ETNK2: variants seen among roughly 807,000 people sequenced by gnomAD.
The protein encoded by ETNK2 is ethanolamine kinase-like protein.
In ETNK2, 33 loss-of-function variants were observed where a neutral mutation model predicts 46.2. The ratio of observed to expected loss-of-function variants is 0.71; its 90% CI spans 0.54 to 0.96. ETNK2 has a LOEUF of 0.96. Among genes scored for constraint, ETNK2 ranks in the 40% least tolerant of loss-of-function variants. The pLI is 0.00. For missense variants in ETNK2, 445 were observed against 509.7 expected (o/e 0.87, Z 1.22); for synonymous variants, 194 against 209.0 (o/e 0.93, Z 0.62).
At position 204,151,218 on chromosome 1, in the gene ETNK2, C is replaced by CG. The variant is rs940228534; in HGVS notation, c.258+376dup. The CG allele has an allele frequency of 3.6e-5, 10 of 276,748 alleles. No homozygotes were observed. The highest frequency in any genetic ancestry group is 1.1e-4 in the East Asian group (1 of 9,518). The allele number at this position is 276,748 out of a possible 1,614,324, so 17.1% of individuals were successfully genotyped here. ...TGCATGTATGGCTGGGTCGGGGGGGCGGGGGGTCTCTTAAAAGTTCCCGCC... is the reference window on the plus strand; with the variant it reads ...TGCATGTATGGCTGGGTCGGGGGGGCGGGGGGGTCTCTTAAAAGTTCCCGCC... On this transcript the variant is annotated intron_variant, in intron 1 of 7. Transcript: ENST00000367202. The surrounding 1 kb of genome is among the most constrained non-coding windows in gnomAD (Gnocchi z 8.0).
At position 204,131,360 on chromosome 1, in the gene ETNK2, C is replaced by T. The variant is rs1321452953; in HGVS notation, c.*824G>A. 1 of 152,298 alleles carries T rather than the reference C, an allele frequency of 6.6e-6. No individual in the cohort carries two copies. The allele number at this position is 152,298 out of a possible 1,614,324, so 9.4% of individuals were successfully genotyped here. A position where few individuals can be genotyped will look rare whatever the true frequency, so the allele number is the denominator to read the frequency against. Reference sequence around the variant, plus strand: ...ACATAAAGTAGAGCTGGAGAGACATCCCTGGAAGGAGGGCCTGAGGGCCAG... The same window carrying T: ...ACATAAAGTAGAGCTGGAGAGACATTCCTGGAAGGAGGGCCTGAGGGCCAG... On this transcript the variant is annotated 3_prime_UTR_variant, in exon 8 of 8. Transcript: ENST00000367202. This position sits in a 1 kb window ranked among gnomAD's most constrained non-coding sequence, Gnocchi z 4.3.
intron 7 of ETNK2, 66 bp downstream of exon 7, chr1:204,134,449 C>T (rs571283880): frequency 1.8e-5 from 28 of 1,562,768 alleles, no homozygotes; most frequent in Non-Finnish European, 2.3e-5. Context: ...CTGTCCTTTG[C>T]CCACACCCTG....
chr1:204,147,059 C>T (rs924615108), intron 2 of ETNK2: 1 of 537,974 alleles, frequency 1.9e-6, no homozygotes, highest in East Asian at 4.5e-5. Flanking sequence ...AGGTCAGTGG[C>T]CTTGTCCTAC....
chr1:204,134,549 T>A lies in ETNK2; in HGVS notation c.1054A>T (p.Asn352Tyr). Residue 352 changes from asparagine to tyrosine, a missense_variant, in exon 7 of 8, where the codon AAC becomes TAC. By Grantham distance (143) the Asn-to-Tyr change is moderately radical. Transcript: ENST00000367202. ...FFWALWALIQ[N>Y]QYSTIDFDFL... ...TCAAAGTCGATGGTGGAGTACTGGT[T>A]CTGGATGAGGGCCCAGAGAGCCCAG... The A allele has an allele frequency of 6.2e-7, 1 of 1,613,938 alleles. No homozygotes were observed. The highest frequency in any genetic ancestry group is 8.5e-7 in the Non-Finnish European group (1 of 1,179,870).
At chr1:204,136,993 G>A in intron 6 of ETNK2, 111 bp downstream of exon 6, 1 of 1,423,354 alleles carries the variant, frequency 7.0e-7, no homozygotes, top group Non-Finnish European at 9.6e-7. Context: ...AGGGATGGGT[G>A]TCCCCAGGCT....
At position 204,131,471 on chromosome 1, in the gene ETNK2, A is replaced by AGCAGAGCCAGGCTCTGGAGGC. The variant is rs1224096803; in HGVS notation, c.*692_*712dup. 5 of 152,762 alleles carry AGCAGAGCCAGGCTCTGGAGGC rather than the reference A, an allele frequency of 3.3e-5. No individual in the cohort carries two copies. Among genetic ancestry groups the AGCAGAGCCAGGCTCTGGAGGC allele is most frequent in the African/African-American group, 1.2e-4 (5 of 41,592 alleles). 9.5% of individuals were successfully genotyped at this position (152,762 alleles called of 1,614,324 possible). On this transcript the variant is annotated 3_prime_UTR_variant, in exon 8 of 8. Transcript: ENST00000367202. The surrounding 1 kb of genome is among the most constrained non-coding windows in gnomAD (Gnocchi z 4.3). ...CCCCTCCGGCTAAGCCACAGCACAA[A>AGCAGAGCCAGGCTCTGGAGGC]GCAGAGCCAGGCTCTGGAGGCCCAG...
At chr1:204,135,322 C>T (rs1657240639) in intron 6 of ETNK2, among the ~76,000 whole-genome samples, 1 of 152,162 alleles carries the variant, frequency 6.6e-6, no homozygotes, top group Non-Finnish European at 1.5e-5. Context: ...ACCTGTCACA[C>T]ACTGCTTATT....
intron 2 of ETNK2, among the ~76,000 whole-genome samples, chr1:204,148,461 T>A (rs1410574436): frequency 6.6e-6 from 1 of 151,926 alleles, no homozygotes; most frequent in African/African-American, 2.4e-5. Flanking sequence ...ACAGGGTCCC[T>A]TTGCACCCTG....
At position 204,137,106 on chromosome 1, in the gene ETNK2, G is replaced by A. The variant is rs1403097537; in HGVS notation, c.1012C>T (p.Leu338=). 1.2e-6 allele frequency: 2 copies of A among 1,613,584 alleles called. No individual in the cohort carries two copies. Among genetic ancestry groups the A allele is most frequent in the Admixed American group, 1.7e-5 (1 of 59,976 alleles). ...RLYVQVNKFA[L]ASHFFWALWA... ...AGCCCTAGAAATAAGGCACTCACCA[G>A]GGCAAACTTGTTGACTTGCACGTAG... Residue 338 remains leucine (L), a splice_region_variant and synonymous_variant, in exon 6 of 8, where the codon CTG becomes TTG. Transcript: ENST00000367202.
intron 6 of ETNK2, among the ~76,000 whole-genome samples, chr1:204,136,435 C>T (rs1009535523): frequency 2.1e-5 from 3 of 143,806 alleles, no homozygotes; most frequent in Admixed American, 6.8e-5. Context: ...ATATGCCGGG[C>T]GCAGTAGTTC....
chr1:204,134,436 G>T, intron 7 of ETNK2, 79 bp downstream of exon 7: 2 of 1,503,270 alleles, frequency 1.3e-6, no homozygotes, highest in Admixed American at 2.1e-5. Context: ...CATTCTGCCT[G>T]GGCTGTCCTT....
chr1:204,150,076 C>T (rs1657947837), intron 1 of ETNK2, 114 bp from the exon 2 acceptor site: 2 of 1,165,648 alleles, frequency 1.7e-6, no homozygotes, highest in Non-Finnish European at 2.4e-6. Context: ...CCGAGCACAA[C>T]CACCCCAAGC....
At chr1:204,149,660 G>A in intron 2 of ETNK2, 43 bp downstream of exon 2, 1 of 1,531,908 alleles carries the variant, frequency 6.5e-7, no homozygotes, top group Non-Finnish European at 8.8e-7. Context: ...CAAGCCCAAG[G>A]CCTGAAGAAT....
intron 3 of ETNK2, among the ~76,000 whole-genome samples, chr1:204,145,757 C>T (rs1316594161): frequency 6.6e-6 from 1 of 152,204 alleles, no homozygotes; most frequent in East Asian, 1.9e-4. Flanking sequence ...CTGCACCCTA[C>T]TCCCATGAAC....
chr1:204,148,995 C>G (rs138767169), intron 2 of ETNK2, among the ~76,000 whole-genome samples: 1 of 152,192 alleles, frequency 6.6e-6, no homozygotes, highest in Non-Finnish European at 1.5e-5. Context: ...TGCTTGCCAT[C>G]CTTGTTCTGG....
At position 204,132,235 on chromosome 1, in the gene ETNK2, G is replaced by T. The variant is rs907367165; in HGVS notation, c.1110C>A (p.Asn370Lys). The T allele has an allele frequency of 2.5e-6, 4 of 1,571,728 alleles. No homozygotes were observed. Among genetic ancestry groups the T allele is most frequent in the Admixed American group, 3.7e-5 (2 of 53,376 alleles). Residue 370 changes from asparagine to lysine, a missense_variant, in exon 8 of 8, where the codon AAC (asparagine) becomes AAA (lysine). Transcript: ENST00000367202. ...CTTGAGGCTTCACCTTGAAGTACTG[G>T]TTGAATCGGATCACTGCGTACCTGT... Reference protein sequence around the residue: ...DFLRYAVIRFNQYFKVKPQAS... With the variant: ...DFLRYAVIRFKQYFKVKPQAS...
Position 204,151,197 on chromosome 1 carries a change from T to C in ETNK2, c.258+398A>G. The stretch of plus-strand genomic sequence containing the variant: ...TGGAGAAGGGGCAGCAATGTATGCA[T>C]GTATGGCTGGGTCGGGGGGGCGGGG... On this transcript the variant is annotated intron_variant, in intron 1 of 7. Coordinates refer to ENST00000367202, the MANE Select transcript of ETNK2 (RefSeq NM_018208.4). This position sits in a 1 kb window ranked among gnomAD's most constrained non-coding sequence, Gnocchi z 8.0. The C allele has an allele frequency of 3.1e-6, 1 of 320,592 alleles. No homozygotes were observed. The highest frequency in any genetic ancestry group is 5.7e-6 in the Non-Finnish European group (1 of 175,468). The allele number at this position is 320,592 out of a possible 1,614,324, so 19.9% of individuals were successfully genotyped here.
chr1:204,150,037 A>G lies in ETNK2; in HGVS notation c.259-75T>C, dbSNP rs1657947025. The stretch of plus-strand genomic sequence containing the variant: ...CTCTGGTCTCTCTCCTGGGCTCTGT[A>G]GCTCCAGCAGGAGGTGCTCATTTGA... On this transcript the variant is annotated intron_variant, in intron 1 of 7. Transcript: ENST00000367202. 2.7e-6 allele frequency: 4 copies of G among 1,468,534 alleles called. No individual in the cohort carries two copies. The African/African-American group carries it at 5.6e-5, about 20-fold the overall frequency. The allele number at this position is 1,468,534 out of a possible 1,614,324, so 91.0% of individuals were successfully genotyped here. A position where few individuals can be genotyped will look rare whatever the true frequency, so the allele number is the denominator to read the frequency against.
At chr1:204,137,305 C>A in intron 5 of ETNK2, 56 bp from the exon 6 acceptor site, 1 of 1,586,042 alleles carries the variant, frequency 6.3e-7, no homozygotes, top group Non-Finnish European at 8.6e-7. Flanking sequence ...CCAAGGGTCT[C>A]CTCAAGCTCA....
Sources: allele counts gnomAD v4.1 joint callset (sites outside exome capture counted in the v4.1 genomes callset), GRCh38; gene constraint gnomAD v4.1.1; non-coding constraint Gnocchi (gnomAD v3.1); transcripts MANE v1.5; gene names NCBI Gene and HGNC (gene_info 2026-07-23, HGNC 2026-07-21).